Variants in UVRAG observed in about 807,000 individuals in gnomAD.
UVRAG encodes UV radiation resistance-associated gene protein.
UVRAG carries 19 observed loss-of-function variants against 78.0 expected under a neutral mutation model. The ratio of observed to expected loss-of-function variants is 0.24; its 90% CI spans 0.17 to 0.36. The LOEUF (loss-of-function observed/expected upper bound fraction) is 0.36. Among genes scored for constraint, UVRAG ranks in the 10% least tolerant of loss-of-function variants. UVRAG has a pLI of 1.00. For missense variants in UVRAG, 740 were observed against 853.8 expected, an observed-to-expected ratio of 0.87 and a Z score of 1.66; for synonymous variants, 323 against 324.6, an observed-to-expected ratio of 1.00 and a Z score of 0.05.
rs557175299 is a variant in UVRAG, at chr11:75,843,957, T to TAA, written c.118-7908_118-7907dup. On this transcript the variant is annotated intron_variant, in intron 1 of 14. Coordinates refer to ENST00000356136, the MANE Select transcript of UVRAG (RefSeq NM_003369.4). ...CTGGGTGACAGAGCAAGACGCCATC[T>TAA]AAAAAAAAAAAAAAAAAAAGAACTC... Among the ~76,000 whole-genome samples, 923 of 114,984 alleles carry TAA rather than the reference T, an allele frequency of 8.0e-3. 16 individuals carry two copies. Among genetic ancestry groups the TAA allele is most frequent in the African/African-American group, 0.027 (873 of 31,846 alleles). The allele number at this position is 114,984 out of a possible 152,430, so 75.4% of individuals were successfully genotyped here.
intron 13 of UVRAG, among the ~76,000 whole-genome samples, chr11:76,095,769 G>A (rs780681477): frequency 2.8e-4 from 42 of 150,914 alleles, no homozygotes; most frequent in Non-Finnish European, 5.4e-4. Flanking sequence ...TACTTGGGAA[G>A]CTGAGGTGGC....
intron 5 of UVRAG, among the ~76,000 whole-genome samples, chr11:75,906,562 G>T (rs1228093490): frequency 1.3e-5 from 2 of 152,016 alleles, no homozygotes; most frequent in Non-Finnish European, 2.9e-5. Flanking sequence ...TAGCTAGGCT[G>T]GTCTCGAACT....
At chr11:76,032,801 C>A (rs1213729529) in intron 12 of UVRAG, among the ~76,000 whole-genome samples, 5 of 152,328 alleles carry the variant, frequency 3.3e-5, no homozygotes, top group Non-Finnish European at 5.9e-5. Context: ...GCAGATAATA[C>A]ACCTTTCCAT....
At chr11:75,988,233 T>C (rs568420068) in intron 8 of UVRAG, among the ~76,000 whole-genome samples, 7 of 152,246 alleles carry the variant, frequency 4.6e-5, no homozygotes, top group African/African-American at 1.7e-4. Context: ...TGATAACATT[T>C]CTATCATTGT....
At position 75,897,871 on chromosome 11, in the gene UVRAG, A is replaced by ATT. The variant is rs146122619; in HGVS notation, c.507+8985_507+8986dup. On this transcript the variant is annotated intron_variant, in intron 5 of 14. Coordinates refer to ENST00000356136, the MANE Select transcript of UVRAG (RefSeq NM_003369.4). ...ATATACTTACCTTCATAGCTCTTTA[A>ATT]TTTTTTTTTTTTTTTTTTGGACAAG... Among the ~76,000 whole-genome samples, 803 of 108,848 alleles carry ATT rather than the reference A, an allele frequency of 7.4e-3. 21 individuals carry two copies. The highest frequency in any genetic ancestry group is 0.012 in the African/African-American group (299 of 24,734). The allele number at this position is 108,848 out of a possible 152,430, so 71.4% of individuals were successfully genotyped here.
intron 7 of UVRAG, among the ~76,000 whole-genome samples, chr11:75,976,651 A>G (rs58550963): frequency 0.12 from 18,637 of 151,320 alleles, 2,860 homozygotes; most frequent in African/African-American, 0.36. Flanking sequence ...TAGTTTATTT[A>G]CATAGAGGTG....
chr11:76,008,393 A>G (rs1389520384), intron 10 of UVRAG, among the ~76,000 whole-genome samples: 1 of 152,212 alleles, frequency 6.6e-6, no homozygotes, highest in Non-Finnish European at 1.5e-5. Context: ...ATTGATTAGG[A>G]TTATTTTTCA....
chr11:75,984,141 A>T (rs1318795903), intron 8 of UVRAG, among the ~76,000 whole-genome samples: 1 of 152,156 alleles, frequency 6.6e-6, no homozygotes, highest in Non-Finnish European at 1.5e-5. Flanking sequence ...TTGAATTTTG[A>T]TCTTTTTCCA....
At chr11:75,888,808 T>C (rs1283245619) in intron 4 of UVRAG, 21 bp from the exon 5 acceptor site, 3 of 1,593,382 alleles carry the variant, frequency 1.9e-6, no homozygotes, top group Non-Finnish European at 2.6e-6. Context: ...TAACAAATAC[T>C]GTATTTTCCT....
intron 14 of UVRAG, among the ~76,000 whole-genome samples, chr11:76,123,347 T>A (rs1952325361): frequency 6.6e-6 from 1 of 152,198 alleles, no homozygotes; most frequent in South Asian, 2.1e-4. Flanking sequence ...TGGGAAGAAT[T>A]TAAGAACTTT....
rs1388467568 is a variant in UVRAG, at chr11:75,879,823, AAAT to A, written c.271-52_271-50del. 6.4e-6 allele frequency: 10 copies of A among 1,567,348 alleles called. No homozygotes were observed. In the African/African-American group the frequency reaches 1.1e-4, roughly 17 times the overall value. On this transcript the variant is annotated intron_variant, in intron 3 of 14. Coordinates refer to ENST00000356136, the MANE Select transcript of UVRAG (RefSeq NM_003369.4). ...AACAAAATGATTTGTCACCTAATTG[AAAT>A]AATCGTAAACAAATAGAGTTGTCCT...
Position 75,911,978 on chromosome 11 carries a change from A to G in UVRAG, c.532A>G (p.Ile178Val), listed in dbSNP as rs868707282. The G allele has an allele frequency of 3.1e-6, 5 of 1,613,200 alleles. No individual in the cohort carries two copies. Among genetic ancestry groups the G allele is most frequent in the Non-Finnish European group, 4.2e-6 (5 of 1,179,452 alleles). Residue 178 changes from isoleucine (I) to valine (V), a missense_variant, in exon 6 of 15, where the codon ATT becomes GTT. Ile to Val is a conservative substitution (Grantham distance 29). Transcript: ENST00000356136. ...GGGTTATTCAAATGCTCAGAAGACT[A>G]TTCTTCTGCAGGTGGATCAGAACTG... ...HKGYSNAQKT[I>V]LLQVDQNCVR...
At chr11:75,873,758 C>T (rs539716125) in intron 3 of UVRAG, among the ~76,000 whole-genome samples, 64 of 152,218 alleles carry the variant, frequency 4.2e-4, no homozygotes, top group African/African-American at 1.5e-3. Flanking sequence ...AAATTAAATC[C>T]GGTATAGTGC....
At chr11:76,071,598 T>C (rs979724513) in intron 13 of UVRAG, among the ~76,000 whole-genome samples, 2 of 152,056 alleles carry the variant, frequency 1.3e-5, no homozygotes, top group African/African-American at 4.8e-5. Context: ...CACCCACCCA[T>C]CTCCACATTC....
intron 12 of UVRAG, among the ~76,000 whole-genome samples, chr11:76,026,971 G>GA (rs879294960): frequency 2.0e-4 from 29 of 142,718 alleles, no homozygotes; most frequent in East Asian, 6.0e-4. Flanking sequence ...AAATCAAGGT[G>GA]AAAAAAAAAA....
At chr11:75,856,689 A>G (rs140691915) in intron 2 of UVRAG, among the ~76,000 whole-genome samples, 18 of 152,174 alleles carry the variant, frequency 1.2e-4, no homozygotes, top group African/African-American at 4.3e-4. Context: ...CAAGCAATCC[A>G]CCTGCCTTGG....
intron 2 of UVRAG, among the ~76,000 whole-genome samples, chr11:75,853,151 T>C (rs1235639613): frequency 6.6e-6 from 1 of 152,132 alleles, no homozygotes; most frequent in African/African-American, 2.4e-5. Context: ...GGACTCAAGC[T>C]ATGCTCCTCC....
chr11:76,112,928 A>G (rs929677651), intron 13 of UVRAG, among the ~76,000 whole-genome samples: 2 of 152,000 alleles, frequency 1.3e-5, no homozygotes, highest in Middle Eastern at 6.8e-3. Flanking sequence ...GTGTTTCACC[A>G]TGTTGCCCAG....
At chr11:75,981,462 T>TG (rs1281401577) in intron 7 of UVRAG, among the ~76,000 whole-genome samples, 1 of 147,122 alleles carries the variant, frequency 6.8e-6, no homozygotes, top group African/African-American at 2.7e-5. Context: ...GTTTTTTTTT[T>TG]GTGTGTGTGA....
Sources: gnomAD v4.1 joint callset for allele counts (sites outside exome capture counted in the v4.1 genomes callset) on GRCh38, gnomAD v4.1.1 for gene constraint, MANE v1.5 for transcripts, NCBI Gene and HGNC (gene_info 2026-07-23, HGNC 2026-07-21) for gene names.